UBQLN1: variants seen among roughly 807,000 people sequenced by gnomAD.
UBQLN1 encodes the protein ubiquilin-1.
A neutral mutation model predicts 65.4 loss-of-function variants in UBQLN1; 13 were observed. The ratio of observed to expected loss-of-function variants is 0.20; its 90% CI spans 0.13 to 0.32. The LOEUF (loss-of-function observed/expected upper bound fraction) is 0.32. UBQLN1 is among the 10% of genes least tolerant of loss of function. The pLI is 1.00. For synonymous variants in UBQLN1, 267 were observed against 247.8 expected (o/e 1.08, Z -0.73); for missense variants, 561 against 724.0 (o/e 0.77, Z 2.58).
chr9:83,697,851 T>TC (rs1295092748), intron 1 of UBQLN1, among the ~76,000 whole-genome samples: 1 of 145,936 alleles, frequency 6.9e-6, no homozygotes, highest in African/African-American at 2.6e-5. Flanking sequence ...TTCTCCCGCC[T>TC]CAGCCTTCCG....
intron 6 of UBQLN1, among the ~76,000 whole-genome samples, chr9:83,675,929 A>T (rs903485245): frequency 7.4e-4 from 102 of 137,830 alleles, no homozygotes; most frequent in African/African-American, 2.3e-3. Context: ...AAATATTACC[A>T]ATTTTTTTAT....
intron 1 of UBQLN1, among the ~76,000 whole-genome samples, chr9:83,695,491 C>A (rs1004980247): frequency 1.3e-5 from 2 of 152,202 alleles, no homozygotes; most frequent in African/African-American, 4.8e-5. Context: ...AGGCGCCATG[C>A]CCAGTCCCCT....
At chr9:83,688,837 G>T (rs1371044628) in intron 1 of UBQLN1, among the ~76,000 whole-genome samples, 1 of 151,038 alleles carries the variant, frequency 6.6e-6, no homozygotes, top group South Asian at 2.1e-4. Context: ...CTCCAGCCTG[G>T]GCGATGAGAG....
chr9:83,677,472 G>C (rs773441975), intron 6 of UBQLN1, among the ~76,000 whole-genome samples: 23 of 152,164 alleles, frequency 1.5e-4, no homozygotes, highest in Admixed American at 2.0e-4. Flanking sequence ...TGAGGCAGAA[G>C]AATCACTTGA....
At chr9:83,663,394 G>A (rs939899173) in intron 10 of UBQLN1, among the ~76,000 whole-genome samples, 2 of 152,016 alleles carry the variant, frequency 1.3e-5, no homozygotes, top group Non-Finnish European at 1.5e-5. Flanking sequence ...CCATATTTAC[G>A]AGATATATAT....
At position 83,663,920 on chromosome 9, in the gene UBQLN1, C is replaced by A. The variant is rs1224232171; in HGVS notation, c.1572G>T (p.Gln524His). The stretch of plus-strand genomic sequence containing the variant: ...GAGCCTGCAGCATCTGCTGAATAAA[C>A]TGCTGATGTCCAGGTTCAGTGGTTC... ...TAGTTEPGHQ[Q>H]FIQQMLQALA... Residue 524 changes from glutamine to histidine, a missense_variant, in exon 10 of 11, where the codon CAG becomes CAT. Gln to His is a conservative substitution (Grantham distance 24, BLOSUM62 0). Around this residue, in one of 8 missense-constraint regions of UBQLN1, gnomAD observed 68 missense variants for 62.2 expected, o/e 1.09. Transcript: ENST00000376395. 1 of 1,613,996 alleles carries A rather than the reference C, an allele frequency of 6.2e-7. No individual in the cohort carries two copies. Among genetic ancestry groups the A allele is most frequent in the Non-Finnish European group, 8.5e-7 (1 of 1,179,982 alleles).
In UBQLN1 at chr9:83,698,750, C is replaced by CA. The variant is rs577902070; in HGVS notation, c.180+8749dup. 3.6e-4 allele frequency among the ~76,000 whole-genome samples: 54 copies of CA among 151,838 alleles called. No homozygotes were observed. In the East Asian group the frequency reaches 5.4e-3, roughly 15 times the overall value. ...GCAACATGGTGAAACCCTGTCTCTACAAAAAAATACAAAGTAGCCAAGCAT... is the reference window on the plus strand; with the variant it reads ...GCAACATGGTGAAACCCTGTCTCTACAAAAAAAATACAAAGTAGCCAAGCAT... On this transcript the variant is annotated intron_variant, in intron 1 of 10. Transcript: ENST00000376395.
At chr9:83,700,596 G>A (rs1193382386) in intron 1 of UBQLN1, among the ~76,000 whole-genome samples, 1 of 152,178 alleles carries the variant, frequency 6.6e-6, no homozygotes, top group Admixed American at 6.5e-5. Flanking sequence ...ATCCAGTCTG[G>A]ACAATCAGAA....
intron 1 of UBQLN1, among the ~76,000 whole-genome samples, chr9:83,705,910 A>C (rs975214262): frequency 3.3e-5 from 5 of 152,028 alleles, no homozygotes; most frequent in African/African-American, 1.2e-4. Flanking sequence ...TAAGTTCTAA[A>C]ACAGGCAACT....
chr9:83,682,053 C>G (rs943387762), intron 3 of UBQLN1, among the ~76,000 whole-genome samples: 1 of 152,076 alleles, frequency 6.6e-6, no homozygotes, highest in African/African-American at 2.4e-5. Context: ...GATAACAGCA[C>G]TTTGGCAGAT....
chr9:83,689,525 C>A (rs1335980417), intron 1 of UBQLN1, among the ~76,000 whole-genome samples: 1 of 152,170 alleles, frequency 6.6e-6, no homozygotes, highest in Non-Finnish European at 1.5e-5. Flanking sequence ...AGTGCCTTTA[C>A]TAAATTAGAC....
At chr9:83,691,256 G>A (rs1327822304) in intron 1 of UBQLN1, among the ~76,000 whole-genome samples, 1 of 152,032 alleles carries the variant, frequency 6.6e-6, no homozygotes. Context: ...GGAATGAAGA[G>A]AACTTAGTTT....
intron 1 of UBQLN1, among the ~76,000 whole-genome samples, chr9:83,691,922 A>G (rs1832135321): frequency 6.6e-6 from 1 of 152,242 alleles, no homozygotes; most frequent in African/African-American, 2.4e-5. Flanking sequence ...ACTGCATATG[A>G]CTACCATTCA....
intron 3 of UBQLN1, among the ~76,000 whole-genome samples, chr9:83,680,766 G>A (rs1831926531): frequency 6.6e-6 from 1 of 152,152 alleles, no homozygotes; most frequent in Admixed American, 6.5e-5. Context: ...TGCCATTCTA[G>A]CAATTATTGA....
chr9:83,685,143 C>A (rs1372077424), intron 2 of UBQLN1, among the ~76,000 whole-genome samples: 1 of 139,938 alleles, frequency 7.1e-6, no homozygotes, highest in Non-Finnish European at 1.6e-5. Context: ...CAGAATAGCA[C>A]CAAAATAGAA....
At chr9:83,685,945 T>C in intron 2 of UBQLN1, 59 bp downstream of exon 2, 1 of 1,466,280 alleles carries the variant, frequency 6.8e-7, no homozygotes, top group Non-Finnish European at 9.2e-7. Context: ...CACTAGTTAC[T>C]TTTAGAAGTA....
At chr9:83,707,348 C>G in intron 1 of UBQLN1, 152 bp downstream of exon 1, 1 of 874,430 alleles carries the variant, frequency 1.1e-6, no homozygotes, top group South Asian at 1.8e-5. Flanking sequence ...AGGCGCAAAC[C>G]CACGAACTTG....
At chr9:83,675,579 A>G (rs1262679966) in intron 6 of UBQLN1, among the ~76,000 whole-genome samples, 2 of 152,232 alleles carry the variant, frequency 1.3e-5, no homozygotes, top group African/African-American at 4.8e-5. Context: ...GCAAATGCAA[A>G]GGCAACTGAC....
intron 1 of UBQLN1, among the ~76,000 whole-genome samples, chr9:83,705,880 T>C (rs558185115): frequency 4.0e-5 from 6 of 149,078 alleles, no homozygotes; most frequent in South Asian, 4.3e-4. Context: ...CTATAGGCTC[T>C]ATGGGATCCC....
Sources: gnomAD v4.1 joint callset for allele counts (sites outside exome capture counted in the v4.1 genomes callset) on GRCh38, gnomAD v4.1.1 for gene constraint, gnomAD v4.1.1 regional missense constraint, MANE v1.5 for transcripts, NCBI Gene and HGNC (gene_info 2026-07-23, HGNC 2026-07-21) for gene names.